SMCHD1: variants seen among roughly 807,000 people sequenced by gnomAD.
SMCHD1 encodes the protein structural maintenance of chromosomes flexible hinge domain containing 1.
In SMCHD1, 78 loss-of-function variants were observed where a neutral mutation model predicts 254.7. That is an observed-to-expected ratio of 0.31 (90% CI 0.26 to 0.37). The LOEUF (loss-of-function observed/expected upper bound fraction) is 0.37. Ranked by LOEUF, SMCHD1 falls within the 10% of genes least tolerant of loss-of-function variation. The pLI is 1.00. For missense variants in SMCHD1, 1,840 were observed against 2,408.1 expected (o/e 0.76, Z 4.94); for synonymous variants, 766 against 794.9 (o/e 0.96, Z 0.61).
chr18:2,657,032 G>A (rs2073089217), intron 1 of SMCHD1, among the ~76,000 whole-genome samples: 1 of 152,156 alleles, frequency 6.6e-6, no homozygotes, highest in Non-Finnish European at 1.5e-5. Context: ...ATGAGGTGGT[G>A]GCATTGCCTG....
chr18:2,735,915 A>G (rs912207483), intron 25 of SMCHD1, among the ~76,000 whole-genome samples: 3 of 152,248 alleles, frequency 2.0e-5, no homozygotes, highest in Non-Finnish European at 2.9e-5. Context: ...TCTAAAATTC[A>G]GATGGAACTA....
Position 2,722,672 on chromosome 18 carries a change from A to G in SMCHD1, c.2603+9A>G, listed in dbSNP as rs1488138628. On this transcript the variant is annotated intron_variant, in intron 20 of 47. Coordinates refer to ENST00000320876, the MANE Select transcript of SMCHD1 (RefSeq NM_015295.3). The stretch of plus-strand genomic sequence containing the variant: ...CCAGTTCTTGAAGCAAGGTAATTTG[A>G]AGGATCAATATGTATTTGTCCTTTG... 2 of 1,605,072 alleles carry G rather than the reference A, an allele frequency of 1.2e-6. No homozygotes were observed. Among genetic ancestry groups the G allele is most frequent in the Admixed American group, 3.4e-5 (2 of 58,464 alleles).
chr18:2,710,905 C>T (rs1242253271), intron 17 of SMCHD1, among the ~76,000 whole-genome samples: 1 of 150,532 alleles, frequency 6.6e-6, no homozygotes, highest in African/African-American at 2.4e-5. Flanking sequence ...AATGTTTTCT[C>T]TGCATCAGTC....
Position 2,705,664 on chromosome 18 carries a change from C to CT in SMCHD1, c.1843-17dup, listed in dbSNP as rs377473058. The CT allele has an allele frequency of 0.027, 23,369 of 878,362 alleles. No individual in the cohort carries two copies. Among genetic ancestry groups the CT allele is most frequent in the South Asian group, 0.03 (1,392 of 46,820 alleles). 54.4% of individuals were successfully genotyped at this position (878,362 alleles called of 1,614,324 possible). Reference sequence around the variant, plus strand: ...CTCTTCGTAAATCTTAATACTGAAGCTTTTTTTTTTTTTAAAAACTAAATA... The same window carrying CT: ...CTCTTCGTAAATCTTAATACTGAAGCTTTTTTTTTTTTTTAAAAACTAAATA... On this transcript the variant is annotated intron_variant, in intron 13 of 47. Transcript: ENST00000320876.
chr18:2,762,453 C>G lies in SMCHD1; in HGVS notation c.4566+217C>G, dbSNP rs75261709. ...CATAAAATGAATTCAGAATAATAAG[C>G]AGAACTGACTCAAAATGCAGAAATC... is the stretch of plus-strand genomic sequence containing the variant. On this transcript the variant is annotated intron_variant, in intron 36 of 47. Coordinates refer to ENST00000320876, the MANE Select transcript of SMCHD1 (RefSeq NM_015295.3). 0.01 allele frequency among the ~76,000 whole-genome samples: 1,568 copies of G among 149,976 alleles called. 24 individuals carry two copies. The highest frequency in any genetic ancestry group is 0.033 in the African/African-American group (1,337 of 40,866).
chr18:2,729,716 T>A (rs2075099549), intron 24 of SMCHD1, among the ~76,000 whole-genome samples: 1 of 151,646 alleles, frequency 6.6e-6, no homozygotes, highest in Admixed American at 6.6e-5. Flanking sequence ...TCGCTTTTTT[T>A]TTTTTTTAAA....
At chr18:2,794,139 T>C (rs1270955897) in intron 45 of SMCHD1, among the ~76,000 whole-genome samples, 1 of 152,118 alleles carries the variant, frequency 6.6e-6, no homozygotes, top group East Asian at 1.9e-4. Flanking sequence ...TGAAGATATT[T>C]ATATAACTAT....
Position 2,784,464 on chromosome 18 carries a change from A to G in SMCHD1, c.5562A>G (p.Thr1854=). The G allele has an allele frequency of 1.2e-6, 2 of 1,609,456 alleles. No homozygotes were observed. Among genetic ancestry groups the G allele is most frequent in the Non-Finnish European group, 1.7e-6 (2 of 1,178,058 alleles). ...ATTTACAATAGGTTGTTAAAATTAC[A>G]CACTGTCCTACACTGCTGACCAGAG... ...NHYRKEVVKI[T]HCPTLLTRDG... Residue 1854 remains threonine (T), a synonymous_variant, in exon 45 of 48, where the codon ACA becomes ACG. Transcript: ENST00000320876.
intron 34 of SMCHD1, 79 bp downstream of exon 34, chr18:2,752,631 A>G: frequency 1.2e-6 from 1 of 861,396 alleles, no homozygotes; most frequent in Non-Finnish European, 1.8e-6. Context: ...ATGTGGGCTC[A>G]CCTGAGGAAA....
At chr18:2,773,647 C>A (rs1244804753) in intron 41 of SMCHD1, among the ~76,000 whole-genome samples, 1 of 152,108 alleles carries the variant, frequency 6.6e-6, no homozygotes, top group Non-Finnish European at 1.5e-5. Flanking sequence ...ATAGTCCGGG[C>A]GCGTTGGCTC....
At chr18:2,684,446 T>G (rs1461586672) in intron 5 of SMCHD1, among the ~76,000 whole-genome samples, 1 of 152,182 alleles carries the variant, frequency 6.6e-6, no homozygotes, top group African/African-American at 2.4e-5. Context: ...TTCATTAGTG[T>G]TAAAATGGTA....
intron 46 of SMCHD1, 78 bp from the exon 47 acceptor site, chr18:2,796,329 G>T: frequency 1.0e-6 from 1 of 954,860 alleles, no homozygotes; most frequent in South Asian, 1.7e-5. Context: ...TATAAATTAT[G>T]ACATATTCAT....
chr18:2,678,831 T>TG (rs1262906609), intron 5 of SMCHD1, among the ~76,000 whole-genome samples: 1,505 of 13,524 alleles, frequency 0.11, 24 homozygotes, highest in Admixed American at 0.23. Flanking sequence ...TGTTTTTTTT[T>TG]TTTTTTTGTT....
intron 9 of SMCHD1, 194 bp downstream of exon 9, chr18:2,697,316 C>T (rs1488891276): frequency 2.5e-6 from 1 of 402,524 alleles, no homozygotes; most frequent in Non-Finnish European, 4.5e-6. Flanking sequence ...CCTTTATTTA[C>T]TGTAGGCTTG....
Position 2,700,472 on chromosome 18 carries a change from G to A in SMCHD1, c.1343-67G>A, listed in dbSNP as rs1351367004. On this transcript the variant is annotated intron_variant, in intron 10 of 47. Transcript: ENST00000320876. Reference sequence around the variant, plus strand: ...ATAGAATGCAATTTGAAACATTTATGTGTTTGTTTCATTATTTCTCACATT... The same window carrying A: ...ATAGAATGCAATTTGAAACATTTATATGTTTGTTTCATTATTTCTCACATT... The A allele has an allele frequency of 2.1e-6, 3 of 1,454,786 alleles. No individual in the cohort carries two copies. In the Admixed American group the frequency reaches 6.9e-5, roughly 33 times the overall value. The allele number at this position is 1,454,786 out of a possible 1,614,324, so 90.1% of individuals were successfully genotyped here. A position where few individuals can be genotyped will look rare whatever the true frequency, so the allele number is the denominator to read the frequency against.
At position 2,670,015 on chromosome 18, in the gene SMCHD1, A is replaced by T. The variant is rs538957689; in HGVS notation, c.424+2984A>T. On this transcript the variant is annotated intron_variant, in intron 3 of 47. Coordinates refer to ENST00000320876, the MANE Select transcript of SMCHD1 (RefSeq NM_015295.3). ...CCACCTGGTCTGGAGGCACCATTGT[A>T]TCACCCAGATTACACTAACTAGTAG... 2.0e-5 allele frequency among the ~76,000 whole-genome samples: 3 copies of T among 152,286 alleles called. No individual in the cohort carries two copies. The South Asian group carries it at 6.2e-4, about 32-fold the overall frequency.
At chr18:2,696,947 T>C (rs763604727) in intron 8 of SMCHD1, 85 bp from the exon 9 acceptor site, 2 of 627,974 alleles carry the variant, frequency 3.2e-6, no homozygotes, top group Non-Finnish European at 5.4e-6. Context: ...ACCTAGTAAA[T>C]AGTGTTAAAA....
At chr18:2,691,041 C>T (rs986950047) in intron 7 of SMCHD1, among the ~76,000 whole-genome samples, 3 of 147,070 alleles carry the variant, frequency 2.0e-5, no homozygotes, top group Non-Finnish European at 4.5e-5. Context: ...TTTATTTTCT[C>T]GATAACTTAA....
intron 7 of SMCHD1, among the ~76,000 whole-genome samples, chr18:2,689,914 C>T (rs2074138236): frequency 6.7e-6 from 1 of 149,000 alleles, no homozygotes; most frequent in Non-Finnish European, 1.5e-5. Context: ...GTCCCAGCAG[C>T]TCAGCAGGCT....
Sources: gnomAD v4.1 joint callset for allele counts (sites outside exome capture counted in the v4.1 genomes callset) on GRCh38, gnomAD v4.1.1 for gene constraint, MANE v1.5 for transcripts, NCBI Gene and HGNC (gene_info 2026-07-23, HGNC 2026-07-21) for gene names.